The following TUBGCP6 variants were observed in gnomAD, a reference collection of about 807,000 sequenced individuals.
TUBGCP6 encodes the protein tubulin gamma complex component 6, also known as gamma-tubulin complex component 6.
In TUBGCP6, 161 loss-of-function variants were observed where a neutral mutation model predicts 175.8. That is an observed-to-expected ratio of 0.92 (90% CI 0.81 to 1.04). The LOEUF (loss-of-function observed/expected upper bound fraction) is 1.04, where lower values mean the gene tolerates loss of function less well. Ranked by LOEUF, TUBGCP6 falls within the 50% of genes least tolerant of loss-of-function variation. TUBGCP6 has a pLI of 0.00. For missense variants in TUBGCP6, 2,572 were observed against 2,433.0 expected, an observed-to-expected ratio of 1.06 and a Z score of -1.20; for synonymous variants, 1,173 against 1,030.5, an observed-to-expected ratio of 1.14 and a Z score of -2.65.
intron 1 of TUBGCP6, among the ~76,000 whole-genome samples, chr22:50,242,117 C>G (rs191772335): frequency 7.3e-5 from 11 of 151,606 alleles, no homozygotes; most frequent in Non-Finnish European, 1.6e-4. Flanking sequence ...ACGGTGAAAC[C>G]CCGTCTCTAC....
chr22:50,220,944 T>TG lies in TUBGCP6; in HGVS notation c.3414dup (p.Asn1139GlnfsTer55). ...TTCTCCCCAACCCTGATGCTGGCGT[T>TG]GGACACGTGCCCGTGGGTATTCCAC... On this transcript the variant is annotated frameshift_variant, in exon 16 of 25. Coordinates refer to ENST00000248846, the MANE Select transcript of TUBGCP6 (RefSeq NM_020461.4). LOFTEE classifies it high-confidence loss of function. 1 of 1,517,480 alleles carries TG rather than the reference T, an allele frequency of 6.6e-7. No individual in the cohort carries two copies. Among genetic ancestry groups the TG allele is most frequent in the Non-Finnish European group, 8.9e-7 (1 of 1,126,460 alleles). 94.0% of individuals were successfully genotyped at this position (1,517,480 alleles called of 1,614,324 possible). A position where few individuals can be genotyped will look rare whatever the true frequency, so the allele number is the denominator to read the frequency against.
chr22:50,241,740 T>A (rs1440431133), intron 1 of TUBGCP6, among the ~76,000 whole-genome samples: 5 of 152,140 alleles, frequency 3.3e-5, no homozygotes, highest in Non-Finnish European at 7.3e-5. Flanking sequence ...ACCTTACCTA[T>A]CATTGGAGAT....
chr22:50,232,565 AAAAG>A (rs1414207061), intron 3 of TUBGCP6, among the ~76,000 whole-genome samples: 1 of 152,034 alleles, frequency 6.6e-6, no homozygotes, highest in African/African-American at 2.4e-5. Flanking sequence ...TCAAAAAAAA[AAAAG>A]AGAGTCAGGG....
chr22:50,228,239 CCACCAACCCTTCCTCTCATCT>C (rs2064641596), intron 4 of TUBGCP6, among the ~76,000 whole-genome samples: 3 of 82,214 alleles, frequency 3.6e-5, no homozygotes, highest in African/African-American at 1.4e-4. Context: ...CTGTGGCCCA[CCACCAACCCTTCCTCTCATCT>C]GAGCCCAGCT....
Position 50,219,454 on chromosome 22 carries a change from C to A in TUBGCP6, c.4318G>T (p.Glu1440Ter). Residue 1440 changes from glutamate (E) to a stop codon, truncating the protein, a stop_gained and splice_region_variant, in exon 19 of 25, where the codon GAG becomes TAG. Transcript: ENST00000248846. LOFTEE classifies it high-confidence loss of function. Reference sequence around the variant, plus strand: ...CGCAAAAGATGAGCAATGGGCGGCTCGGCTGCGGGAGATGGAGCACGCACG... The same window carrying A: ...CGCAAAAGATGAGCAATGGGCGGCTAGGCTGCGGGAGATGGAGCACGCACG... Reference protein sequence around the residue: ...RYPDSYESMSEPPIAHLLRPV... With the variant: ...RYPDSYESMS 6.3e-7 allele frequency: 1 copy of A among 1,579,082 alleles called. No individual in the cohort carries two copies. Among genetic ancestry groups the A allele is most frequent in the Non-Finnish European group, 8.6e-7 (1 of 1,163,904 alleles).
At chr22:50,226,904 G>A in intron 6 of TUBGCP6, 62 bp from the exon 7 acceptor site, 1 of 1,554,958 alleles carries the variant, frequency 6.4e-7, no homozygotes, top group African/African-American at 1.4e-5. Context: ...GTGAGGCGCA[G>A]CCCTGCCGGC....
intron 2 of TUBGCP6, among the ~76,000 whole-genome samples, chr22:50,235,608 C>T (rs887926136): frequency 1.3e-5 from 2 of 152,230 alleles, no homozygotes; most frequent in Non-Finnish European, 2.9e-5. Flanking sequence ...CTGTGCAACT[C>T]CACTTACATG....
intron 13 of TUBGCP6, 174 bp downstream of exon 13, chr22:50,223,967 C>T (rs1389701637): frequency 3.2e-6 from 2 of 621,810 alleles, no homozygotes; most frequent in South Asian, 1.9e-5. Flanking sequence ...GCTAAGGATG[C>T]CTGGATAAGG....
rs111664556 is a variant in TUBGCP6 at position 50,235,420 on chromosome 22, C to G, written c.906-1894G>C. Among the ~76,000 whole-genome samples, 1,000 of 135,152 alleles carry G rather than the reference C, an allele frequency of 7.4e-3. 12 individuals carry two copies. Among genetic ancestry groups the G allele is most frequent in the African/African-American group, 0.026 (937 of 36,078 alleles). 88.7% of individuals were successfully genotyped at this position (135,152 alleles called of 152,430 possible). A position where few individuals can be genotyped will look rare whatever the true frequency, so the allele number is the denominator to read the frequency against. ...ACAGAGGAGGATAAACACAGACCGT[C>G]CGTGCAGACCCCTGCCCATCATTCA... On this transcript the variant is annotated intron_variant, in intron 2 of 24. Coordinates refer to ENST00000248846, the MANE Select transcript of TUBGCP6 (RefSeq NM_020461.4).
Position 50,221,806 on chromosome 22 carries a change from G to A in TUBGCP6, c.2553C>T (p.His851=), listed in dbSNP as rs754549763. The part of the protein sequence containing the change: ...QGCDSGSAEQ[H]SPAWDGWNRP... Reference sequence around the variant, plus strand: ...TGTTCCAGCCATCCCAGGCAGGCGAGTGTTGCTCTGCAGACCCAGAATCAC... The same window carrying A: ...TGTTCCAGCCATCCCAGGCAGGCGAATGTTGCTCTGCAGACCCAGAATCAC... The change falls in exon 16 of 25, where the codon CAC becomes CAT. Residue 851 remains histidine, a synonymous_variant. Transcript: ENST00000248846. 6.6e-7 allele frequency: 1 copy of A among 1,511,938 alleles called. No homozygotes were observed. Among genetic ancestry groups the A allele is most frequent in the South Asian group, 1.3e-5 (1 of 74,818 alleles). 93.7% of individuals were successfully genotyped at this position (1,511,938 alleles called of 1,614,324 possible).
At chr22:50,233,205 ACTCCCCACTCCCTGCACTGGGGCTTGT>A in intron 3 of TUBGCP6, 84 bp downstream of exon 3, 2 of 1,294,488 alleles carry the variant, frequency 1.5e-6, no homozygotes, top group Non-Finnish European at 2.1e-6. Flanking sequence ...CTTCCCTGCC[ACTCCCCACTCCCTGCACTGGGGCTTGT>A]TCTGCCCCAT....
At chr22:50,218,451 CAG>C in intron 22 of TUBGCP6, 35 bp downstream of exon 22, 1 of 1,613,044 alleles carries the variant, frequency 6.2e-7, no homozygotes, top group Non-Finnish European at 8.5e-7. Context: ...AGCCTCCAGC[CAG>C]GGGTGCGGGG....
chr22:50,240,744 C>T (rs896413664), intron 1 of TUBGCP6, among the ~76,000 whole-genome samples: 1 of 152,222 alleles, frequency 6.6e-6, no homozygotes, highest in Non-Finnish European at 1.5e-5. Context: ...AATCCCAGCA[C>T]TATGGGAGGC....
chr22:50,228,076 G>A lies in TUBGCP6; in HGVS notation c.1291-48C>T, dbSNP rs9628307. ...GAGGGCGGCCAGGCACATGGACGCAGCCGTGCCCAGGGCCTGAGGGGCACC... is the reference window on the plus strand; with the variant it reads ...GAGGGCGGCCAGGCACATGGACGCAACCGTGCCCAGGGCCTGAGGGGCACC... On this transcript the variant is annotated intron_variant, in intron 4 of 24. Transcript: ENST00000248846. 3.4e-6 allele frequency: 5 copies of A among 1,489,368 alleles called. No homozygotes were observed. The African/African-American group carries it at 7.0e-5, about 21-fold the overall frequency. 92.3% of individuals were successfully genotyped at this position (1,489,368 alleles called of 1,614,324 possible). A position where few individuals can be genotyped will look rare whatever the true frequency, so the allele number is the denominator to read the frequency against.
At chr22:50,235,864 C>T (rs1280738949) in intron 2 of TUBGCP6, among the ~76,000 whole-genome samples, 3 of 150,766 alleles carry the variant, frequency 2.0e-5, no homozygotes, top group Admixed American at 2.0e-4. Flanking sequence ...GGCTTGAACC[C>T]GGGAGGTGGA....
intron 2 of TUBGCP6, among the ~76,000 whole-genome samples, chr22:50,239,380 T>C (rs1328946156): frequency 6.6e-6 from 1 of 152,164 alleles, no homozygotes; most frequent in Non-Finnish European, 1.5e-5. Flanking sequence ...TTTCACCATG[T>C]TGCCCAGGCC....
chr22:50,238,696 C>T (rs1351822978), intron 2 of TUBGCP6, among the ~76,000 whole-genome samples: 6 of 151,956 alleles, frequency 3.9e-5, no homozygotes, highest in Non-Finnish European at 5.9e-5. Flanking sequence ...CGCCACCACG[C>T]CTGGCTAATT....
chr22:50,228,157 A>T, intron 4 of TUBGCP6, 129 bp from the exon 5 acceptor site: 1 of 1,154,898 alleles, frequency 8.7e-7, no homozygotes, highest in Non-Finnish European at 1.2e-6. Context: ...ATTTCCAAGC[A>T]ATGGGCCTCT....
At chr22:50,230,683 C>T (rs1196896008) in intron 3 of TUBGCP6, among the ~76,000 whole-genome samples, 2 of 149,138 alleles carry the variant, frequency 1.3e-5, no homozygotes, top group African/African-American at 5.0e-5. Flanking sequence ...GAGGCTGAGG[C>T]AGGAGGATCA....
Sources: gnomAD v4.1 joint callset for allele counts (sites outside exome capture counted in the v4.1 genomes callset) on GRCh38, gnomAD v4.1.1 for gene constraint, MANE v1.5 for transcripts, NCBI Gene and HGNC (gene_info 2026-07-23, HGNC 2026-07-21) for gene names.